Variants in CCNH observed in about 807,000 individuals in gnomAD.
The protein encoded by CCNH is cyclin-H.
Under a neutral mutation model 41.9 loss-of-function variants are expected in CCNH, and 31 were observed. The ratio of observed to expected loss-of-function variants is 0.74; its 90% CI spans 0.56 to 1.00. CCNH has a LOEUF of 1.00. Ranked by LOEUF, CCNH falls within the 50% of genes least tolerant of loss-of-function variation. The probability of loss-of-function intolerance (pLI) is 0.00; values close to 1 mark genes in which losing one functional copy is unlikely to be tolerated. For synonymous variants in CCNH, 138 were observed against 136.1 expected (o/e 1.01, Z -0.10); for missense variants, 362 against 388.4 (o/e 0.93, Z 0.57).
At chr5:87,385,423 A>G in intron 9 of CCNH, 8 of 1,473,006 alleles carry the variant, frequency 5.4e-6, no homozygotes, top group Non-Finnish European at 7.6e-6. Context: ...AATGTAATTT[A>G]TGAATGCAAG....
chr5:87,353,272 T>C (rs1306380800), intron 9 of CCNH: 1 of 1,507,518 alleles, frequency 6.6e-7, no homozygotes, highest in African/African-American at 1.4e-5. Flanking sequence ...AATTAGCATT[T>C]TATTTTAAAA....
chr5:87,320,414 T>C (rs1401343205), intron 9 of CCNH, among the ~76,000 whole-genome samples: 2 of 152,216 alleles, frequency 1.3e-5, no homozygotes, highest in African/African-American at 2.4e-5. Flanking sequence ...GGGTAATTTA[T>C]GAAGAAAAGG....
chr5:87,360,393 G>A (rs1014956616), intron 9 of CCNH, among the ~76,000 whole-genome samples: 1 of 152,072 alleles, frequency 6.6e-6, no homozygotes, highest in Non-Finnish European at 1.5e-5. Context: ...TAAAGTACTG[G>A]GATTAAAGGC....
chr5:87,359,132 A>G (rs574558784), intron 9 of CCNH, among the ~76,000 whole-genome samples: 4 of 152,334 alleles, frequency 2.6e-5, no homozygotes, highest in African/African-American at 9.6e-5. Flanking sequence ...AAGAACTACA[A>G]CAGTGCCTGA....
At chr5:87,356,383 A>G (rs1047547989) in intron 9 of CCNH, among the ~76,000 whole-genome samples, 1 of 141,722 alleles carries the variant, frequency 7.1e-6, no homozygotes, top group East Asian at 2.1e-4. Context: ...GATGATTGTT[A>G]TTTTTTTTTT....
At chr5:87,311,889 C>T in the CCNH span, among the ~76,000 whole-genome samples, 52 of 152,186 alleles carry the variant, frequency 3.4e-4, no homozygotes, top group Non-Finnish European at 6.8e-4. Flanking sequence ...TCTTATTAAG[C>T]AGGATATTTC....
chr5:87,341,122 A>T (rs1253398361), intron 9 of CCNH, among the ~76,000 whole-genome samples: 1 of 152,122 alleles, frequency 6.6e-6, no homozygotes, highest in African/African-American at 2.4e-5. Context: ...ACAAGAAAAG[A>T]TTAAGAGAGG....
chr5:87,341,575 T>TTATA (rs1423414447), intron 9 of CCNH, among the ~76,000 whole-genome samples: 1 of 152,136 alleles, frequency 6.6e-6, no homozygotes, highest in Admixed American at 6.5e-5. Flanking sequence ...AACACTACAT[T>TTATA]TATAACATTA....
At chr5:87,399,286 G>C (rs1763208872) in intron 7 of CCNH, 108 bp downstream of exon 7, 1 of 766,048 alleles carries the variant, frequency 1.3e-6, no homozygotes, top group Non-Finnish European at 2.3e-6. Flanking sequence ...CTGATTTTAT[G>C]GATCAGTCAG....
chr5:87,358,817 G>A (rs1009178175), intron 9 of CCNH, among the ~76,000 whole-genome samples: 2 of 152,094 alleles, frequency 1.3e-5, no homozygotes, highest in Admixed American at 1.3e-4. Flanking sequence ...TTGTAAATAA[G>A]CCAGACTCTT....
downstream of CCNH, chr5:87,374,972 A>G (rs73156398): frequency 4.4e-3 from 6,894 of 1,551,956 alleles, 238 homozygotes; most frequent in African/African-American, 0.077. Flanking sequence ...TATACTTTCA[A>G]AATTCACAAT....
chr5:87,345,772 C>T (rs917964957), intron 9 of CCNH, among the ~76,000 whole-genome samples: 14 of 151,988 alleles, frequency 9.2e-5, no homozygotes, highest in African/African-American at 3.1e-4. Context: ...ATATTTTAGT[C>T]GTATATTTAC....
intron 9 of CCNH, among the ~76,000 whole-genome samples, chr5:87,350,596 C>T (rs1477434018): frequency 6.6e-6 from 1 of 151,306 alleles, no homozygotes. Context: ...TGGAGGAAGT[C>T]GGTAAAACAT....
chr5:87,404,767 A>T (rs892365048), intron 5 of CCNH, 77 bp downstream of exon 5: 6 of 1,152,076 alleles, frequency 5.2e-6, no homozygotes, highest in Non-Finnish European at 7.2e-6. Flanking sequence ...AATATTAAAG[A>T]TTACAGTCAG....
downstream of CCNH, among the ~76,000 whole-genome samples, chr5:87,371,964 T>C (rs551094694): frequency 7.4e-4 from 113 of 152,140 alleles, no homozygotes; most frequent in African/African-American, 2.6e-3. Context: ...ATTTTATTAT[T>C]GGTTATTGTT....
At chr5:87,407,708 G>A (rs1416686214) in intron 4 of CCNH, among the ~76,000 whole-genome samples, 2 of 152,056 alleles carry the variant, frequency 1.3e-5, no homozygotes, top group African/African-American at 4.8e-5. Flanking sequence ...ATCCCTGGAT[G>A]TAATGAAGAT....
intron 9 of CCNH, chr5:87,366,631 A>C (rs1760539757): frequency 6.3e-6 from 1 of 159,584 alleles, no homozygotes; most frequent in Admixed American, 6.2e-5. Flanking sequence ...AAGACATTAG[A>C]AAAAGTCTTT....
intron 9 of CCNH, among the ~76,000 whole-genome samples, chr5:87,346,983 T>C (rs190551490): frequency 1.9e-3 from 291 of 152,132 alleles, no homozygotes; most frequent in African/African-American, 6.5e-3. Flanking sequence ...CAGTTTTTTT[T>C]CCCATATGTT....
intron 9 of CCNH, among the ~76,000 whole-genome samples, chr5:87,359,150 C>T (rs1759880463): frequency 6.6e-6 from 1 of 152,132 alleles, no homozygotes; most frequent in Non-Finnish European, 1.5e-5. Context: ...TGAGACTCAA[C>T]ATTTATTGAA....
Sources: allele counts gnomAD v4.1 joint callset (sites outside exome capture counted in the v4.1 genomes callset), GRCh38; gene constraint gnomAD v4.1.1; transcripts MANE v1.5; gene names NCBI Gene and HGNC (gene_info 2026-07-23, HGNC 2026-07-21).